YTHDF3: variants seen among roughly 807,000 people sequenced by gnomAD.
The protein encoded by YTHDF3 is YTH domain-containing family protein 3.
YTHDF3 carries 9 observed loss-of-function variants against 52.5 expected under a neutral mutation model. The observed-to-expected ratio is 0.17, with a 90% CI of 0.10 to 0.30. The LOEUF (loss-of-function observed/expected upper bound fraction) is 0.30. YTHDF3 is among the 10% of genes least tolerant of loss of function. YTHDF3 has a pLI of 1.00. For synonymous variants in YTHDF3, 274 were observed against 243.3 expected, an observed-to-expected ratio of 1.13 and a Z score of -1.18; for missense variants, 534 against 715.0, an observed-to-expected ratio of 0.75 and a Z score of 2.89.
intron 4 of YTHDF3, among the ~76,000 whole-genome samples, chr8:63,200,858 A>G (rs1442899883): frequency 6.6e-6 from 1 of 152,196 alleles, no homozygotes; most frequent in Non-Finnish European, 1.5e-5. Flanking sequence ...ATTTCATAAT[A>G]AAGTCAAGAC....
In YTHDF3 at chr8:63,186,554, G is replaced by A; in HGVS notation, c.543G>A (p.Val181=). The part of the protein sequence containing the change: ...AGFGNDTLSK[V]PGISSIEQGM... ...TTGGCAATGATACTTTGAGTAAGGT[G>A]CCTGGCATTAGCAGTATTGAGCAAG... Residue 181 remains valine, a synonymous_variant, in exon 4 of 5, where the codon GTG becomes GTA. Coordinates refer to ENST00000539294, the MANE Select transcript of YTHDF3 (RefSeq NM_152758.6). The A allele has an allele frequency of 1.2e-6, 2 of 1,614,016 alleles. No homozygotes were observed. The highest frequency in any genetic ancestry group is 1.7e-6 in the Non-Finnish European group (2 of 1,179,904).
At chr8:63,173,588 G>C in intron 2 of YTHDF3, 1 of 873,440 alleles carries the variant, frequency 1.1e-6, no homozygotes, top group Non-Finnish European at 1.4e-6. Context: ...ACATGTATGA[G>C]TGTAATAGTG....
At chr8:63,175,656 CATT>C (rs1807636833) in intron 3 of YTHDF3, 1 of 345,186 alleles carries the variant, frequency 2.9e-6, no homozygotes, top group African/African-American at 2.1e-5. Flanking sequence ...TGAAGGTGAC[CATT>C]ATTTGTATAT....
Position 63,186,506 on chromosome 8 carries a change from T to C in YTHDF3, c.495T>C (p.Ala165=). ...YGYPPSSLGR[A]ITDGQAGFGN... is the part of the protein sequence containing the mutation. The stretch of plus-strand genomic sequence containing the variant: ...ATCCACCTAGTTCTCTTGGGAGAGC[T>C]ATTACTGATGGACAGGCTGGATTTG... Residue 165 remains alanine (A), a synonymous_variant, in exon 4 of 5, where the codon GCT becomes GCC. Transcript: ENST00000539294. 6.2e-7 allele frequency: 1 copy of C among 1,614,034 alleles called. No homozygotes were observed. The highest frequency in any genetic ancestry group is 8.5e-7 in the Non-Finnish European group (1 of 1,179,904).
In YTHDF3 at chr8:63,180,554, T is replaced by C. The variant is rs560700503; in HGVS notation, c.135+5138T>C. ...ATGGGCGGCCGGGCAGAGACGCTCC[T>C]CACTTCCCAGACGGGGTGGCGGCTG... On this transcript the variant is annotated intron_variant, in intron 3 of 4. Coordinates refer to ENST00000539294, the MANE Select transcript of YTHDF3 (RefSeq NM_152758.6). 2.9e-3 allele frequency among the ~76,000 whole-genome samples: 439 copies of C among 152,078 alleles called. 2 individuals are homozygous for C. Among genetic ancestry groups the C allele is most frequent in the African/African-American group, 9.8e-3 (405 of 41,480 alleles).
chr8:63,188,718 T>C (rs1218798241), intron 4 of YTHDF3: 2 of 126,076 alleles, frequency 1.6e-5, no homozygotes, highest in East Asian at 2.3e-4. Context: ...TTTTTTTTTT[T>C]TTTTTTCTTT....
At chr8:63,209,575 C>G in intron 4 of YTHDF3, 108 bp from the exon 5 acceptor site, 1 of 1,116,058 alleles carries the variant, frequency 9.0e-7, no homozygotes, top group Non-Finnish European at 1.3e-6. Flanking sequence ...AGTACTTGAA[C>G]TTTATATGGA....
At position 63,173,206 on chromosome 8, in the gene YTHDF3, A is replaced by ATATATATATATATATATGTATATATC. The variant is rs1264719044; in HGVS notation, c.50-2117_50-2116insTATATATATGTATATATCTATATATA. ...ATAAGAATAACAGGATTATATTTAT[A>ATATATATATATATATATGTATATATC]TATATATACAGATAAATTTTAAGTA... On this transcript the variant is annotated intron_variant, in intron 2 of 4. Transcript: ENST00000539294. Among the ~76,000 whole-genome samples, 11 of 145,390 alleles carry ATATATATATATATATATGTATATATC rather than the reference A, an allele frequency of 7.6e-5. 1 individual carries two copies. The highest frequency in any genetic ancestry group is 3.0e-4 in the African/African-American group (11 of 36,680).
rs372433987 is a variant in YTHDF3, at chr8:63,197,829, G to C, written c.1734+10084G>C. 1.4e-4 allele frequency among the ~76,000 whole-genome samples: 22 copies of C among 152,304 alleles called. No homozygotes were observed. In the East Asian group the frequency reaches 3.1e-3, roughly 21 times the overall value. ...TATTTGTCCAGTATAAATTCAAATA[G>C]TCTGCATAGCAGTAGAATCTACTTT... On this transcript the variant is annotated intron_variant, in intron 4 of 4. Transcript: ENST00000539294.
intron 4 of YTHDF3, chr8:63,188,586 A>G (rs1052529840): frequency 4.1e-5 from 6 of 147,992 alleles, no homozygotes; most frequent in African/African-American, 1.0e-4. Flanking sequence ...CTGCCTCCCA[A>G]AATGTTGGGA....
At chr8:63,178,938 C>T (rs1233959220) in intron 3 of YTHDF3, among the ~76,000 whole-genome samples, 2 of 152,116 alleles carry the variant, frequency 1.3e-5, no homozygotes, top group Non-Finnish European at 2.9e-5. Flanking sequence ...TAATTAGGTC[C>T]TCATACACTG....
intron 4 of YTHDF3, among the ~76,000 whole-genome samples, chr8:63,208,593 TGATACTTGTTTTA>T (rs1322010228): frequency 6.6e-6 from 1 of 152,166 alleles, no homozygotes; most frequent in Non-Finnish European, 1.5e-5. Context: ...TAGGTGACTC[TGATACTTGTTTTA>T]GAACCACTAA....
intron 4 of YTHDF3, among the ~76,000 whole-genome samples, chr8:63,191,797 T>C (rs2150380978): frequency 6.6e-6 from 1 of 152,302 alleles, no homozygotes; most frequent in East Asian, 1.9e-4. Context: ...GCATGGTATC[T>C]TTGCAATTCA....
intron 4 of YTHDF3, among the ~76,000 whole-genome samples, chr8:63,192,207 C>T (rs899076846): frequency 1.3e-5 from 2 of 152,084 alleles, no homozygotes; most frequent in East Asian, 3.9e-4. Flanking sequence ...TTTGTAATAT[C>T]CTTTGTGGTT....
intron 4 of YTHDF3, among the ~76,000 whole-genome samples, chr8:63,193,347 G>A (rs1051444930): frequency 2.9e-5 from 4 of 137,934 alleles, no homozygotes; most frequent in Non-Finnish European, 4.5e-5. Context: ...CTCCACTCCA[G>A]CCTGGGTGAC....
chr8:63,205,034 A>G (rs1809928511), intron 4 of YTHDF3, among the ~76,000 whole-genome samples: 1 of 152,150 alleles, frequency 6.6e-6, no homozygotes, highest in South Asian at 2.1e-4. Context: ...AACCTCTGTG[A>G]AAAAGACAGG....
At chr8:63,174,443 T>C (rs1389098219) in intron 2 of YTHDF3, among the ~76,000 whole-genome samples, 1 of 152,214 alleles carries the variant, frequency 6.6e-6, no homozygotes, top group East Asian at 1.9e-4. Context: ...TAGGTACTAT[T>C]CATACATAAC....
intron 2 of YTHDF3, among the ~76,000 whole-genome samples, chr8:63,171,908 C>G (rs903167548): frequency 6.6e-6 from 1 of 152,136 alleles, no homozygotes; most frequent in South Asian, 2.1e-4. Flanking sequence ...CAGCTTTAGC[C>G]TAACACCTAG....
intron 4 of YTHDF3, among the ~76,000 whole-genome samples, chr8:63,204,947 C>T (rs1809919398): frequency 1.3e-5 from 2 of 152,154 alleles, no homozygotes. Flanking sequence ...CGGTAGGCTC[C>T]TCTTAGGACA....
Sources: gnomAD v4.1 joint callset for allele counts (sites outside exome capture counted in the v4.1 genomes callset) on GRCh38, gnomAD v4.1.1 for gene constraint, MANE v1.5 for transcripts, NCBI Gene and HGNC (gene_info 2026-07-23, HGNC 2026-07-21) for gene names.